Variants in TUT7 observed in about 807,000 individuals in gnomAD.
TUT7 encodes terminal uridylyltransferase 7.
In TUT7, 33 loss-of-function variants were observed where a neutral mutation model predicts 165.9. The ratio of observed to expected loss-of-function variants is 0.20; its 90% CI spans 0.15 to 0.27. TUT7 has a LOEUF of 0.27. Among genes scored for constraint, TUT7 ranks in the 10% least tolerant of loss-of-function variants. TUT7 has a pLI of 1.00. For synonymous variants in TUT7, 552 were observed against 608.1 expected (o/e 0.91, Z 1.36); for missense variants, 1,338 against 1,762.3 (o/e 0.76, Z 4.31).
intron 17 of TUT7, among the ~76,000 whole-genome samples, chr9:86,312,178 C>A (rs377326062): frequency 1.3e-5 from 2 of 150,608 alleles, no homozygotes; most frequent in Non-Finnish European, 3.0e-5. Context: ...AAGTGAGGAG[C>A]GCCTCTTCCC....
intron 12 of TUT7, among the ~76,000 whole-genome samples, chr9:86,324,991 A>C (rs760496831): frequency 1.3e-5 from 2 of 152,238 alleles, no homozygotes; most frequent in Non-Finnish European, 2.9e-5. Flanking sequence ...GGACTGAATT[A>C]AAAAATCCAG....
chr9:86,342,769 T>C (rs941708117), intron 6 of TUT7, among the ~76,000 whole-genome samples: 7 of 152,198 alleles, frequency 4.6e-5, no homozygotes, highest in Non-Finnish European at 8.8e-5. Flanking sequence ...GAATTCCCTT[T>C]CTGCCACTGG....
intron 15 of TUT7, 91 bp from the exon 16 acceptor site, chr9:86,319,149 G>C: frequency 2.5e-6 from 2 of 788,738 alleles, no homozygotes; most frequent in Non-Finnish European, 4.1e-6. Flanking sequence ...AAAACACCCA[G>C]TTGTTTAATT....
In TUT7 at chr9:86,323,158, A is replaced by C. The variant is rs1267267779; in HGVS notation, c.2592T>G (p.Ile864Met). 1 of 1,614,088 alleles carries C rather than the reference A, an allele frequency of 6.2e-7. No individual in the cohort carries two copies. The highest frequency in any genetic ancestry group is 8.5e-7 in the Non-Finnish European group (1 of 1,180,016). The change falls in exon 13 of 27, where the codon ATT becomes ATG. Residue 864 changes from isoleucine to methionine, a missense_variant. Physicochemically the swap from Ile to Met is conservative, Grantham distance 10. Around this residue, in one of 7 missense-constraint regions of TUT7, gnomAD observed 425 missense variants for 474.9 expected, o/e 0.89. Transcript: ENST00000375963. ...TGCCATCTTCATCTTCCCTTTGGTT[A>C]ATGGTGAGCCTAGGTTCTTCTTCCT... ...EEEEEEPRLT[I>M]NQREDEDGMA...
intron 6 of TUT7, 134 bp downstream of exon 6, chr9:86,342,941 C>A: frequency 3.4e-6 from 2 of 586,176 alleles, no homozygotes; most frequent in Non-Finnish European, 5.8e-6. Flanking sequence ...AGCTCTGAAA[C>A]TGAAGGCAAG....
rs534382398 is a variant in TUT7 at position 86,325,203 on chromosome 9, T to C, written c.1789+131A>G. Reference sequence around the variant, plus strand: ...GTTAACACATGCAAGATTCTAACTATTTATTTCCCTTTGAGGGCAGGCCTA... The same window carrying C: ...GTTAACACATGCAAGATTCTAACTACTTATTTCCCTTTGAGGGCAGGCCTA... On this transcript the variant is annotated intron_variant, in intron 12 of 26. Transcript: ENST00000375963. The C allele has an allele frequency of 7.4e-5, 59 of 797,370 alleles. 1 individual carries two copies. The East Asian group carries it at 1.3e-3, about 18-fold the overall frequency. 49.4% of individuals were successfully genotyped at this position (797,370 alleles called of 1,614,324 possible).
chr9:86,348,128 C>T (rs1461777497), intron 2 of TUT7, among the ~76,000 whole-genome samples: 1 of 152,126 alleles, frequency 6.6e-6, no homozygotes, highest in East Asian at 1.9e-4. Context: ...CTCTTCTGGT[C>T]ACAAAGGTTT....
intron 16 of TUT7, 64 bp from the exon 17 acceptor site, chr9:86,317,340 AG>A: frequency 1.6e-6 from 2 of 1,289,266 alleles, no homozygotes; most frequent in Non-Finnish European, 2.2e-6. Context: ...AACTGGCTAT[AG>A]TTTCCATTAC....
intron 3 of TUT7, 71 bp from the exon 4 acceptor site, chr9:86,345,856 C>A: frequency 9.0e-7 from 1 of 1,115,916 alleles, no homozygotes; most frequent in Non-Finnish European, 1.3e-6. Flanking sequence ...CAAAATCAGC[C>A]AGGAAATGAT....
At chr9:86,296,870 G>A (rs573144131) in intron 26 of TUT7, among the ~76,000 whole-genome samples, 1 of 152,194 alleles carries the variant, frequency 6.6e-6, no homozygotes, top group South Asian at 2.1e-4. Flanking sequence ...TAGATAATTT[G>A]GATACATATA....
At chr9:86,313,345 G>C (rs915452648) in intron 17 of TUT7, among the ~76,000 whole-genome samples, 2 of 152,018 alleles carry the variant, frequency 1.3e-5, no homozygotes, top group African/African-American at 4.8e-5. Flanking sequence ...GGTGGCATGG[G>C]AATACACAGA....
In TUT7 at chr9:86,338,791, A is replaced by C. The variant is rs1338446319; in HGVS notation, c.1335+32T>G. ...AAGCATACTGCTTATACATATGTAG[A>C]ATGTATTCATGCATAAAGACCTCAA... On this transcript the variant is annotated intron_variant, in intron 9 of 26. Transcript: ENST00000375963. 3 of 1,548,904 alleles carry C rather than the reference A, an allele frequency of 1.9e-6. No homozygotes were observed. In the African/African-American group the frequency reaches 4.1e-5, roughly 21 times the overall value.
In TUT7 at chr9:86,353,249, G is replaced by A; in HGVS notation, c.-31-19C>T. The stretch of plus-strand genomic sequence containing the variant: ...TTTGCACCTGAAAGAAGGTATTTTG[G>A]GGAAATATCAAACTATATAACAAGA... On this transcript the variant is annotated intron_variant, in intron 1 of 26. Coordinates refer to ENST00000375963, the MANE Select transcript of TUT7 (RefSeq NM_024617.4). The A allele has an allele frequency of 1.2e-5, 18 of 1,508,252 alleles. No individual in the cohort carries two copies. The highest frequency in any genetic ancestry group is 1.6e-5 in the Non-Finnish European group (18 of 1,132,620). 93.4% of individuals were successfully genotyped at this position (1,508,252 alleles called of 1,614,324 possible).
At chr9:86,331,075 AAT>A in intron 10 of TUT7, among the ~76,000 whole-genome samples, 1 of 152,102 alleles carries the variant, frequency 6.6e-6, no homozygotes, top group East Asian at 1.9e-4. Flanking sequence ...TTTAGTTCAA[AAT>A]ATGTTTTAAT....
intron 10 of TUT7, among the ~76,000 whole-genome samples, chr9:86,329,779 T>C (rs901847926): frequency 3.3e-5 from 5 of 152,088 alleles, no homozygotes; most frequent in Non-Finnish European, 7.4e-5. Context: ...ACTTCTCTGA[T>C]CCTTCTATCT....
chr9:86,322,015 G>A (rs928989492), intron 14 of TUT7, among the ~76,000 whole-genome samples: 1 of 152,000 alleles, frequency 6.6e-6, no homozygotes, highest in African/African-American at 2.4e-5. Context: ...GGTCGAGGCT[G>A]CAGTGACTCA....
chr9:86,301,736 G>A, intron 25 of TUT7, 135 bp from the exon 26 acceptor site: 2 of 1,460,638 alleles, frequency 1.4e-6, no homozygotes, highest in Admixed American at 5.5e-5. Flanking sequence ...GGAAAAGCAA[G>A]AACCTAAATG....
rs1258531921 is a variant in TUT7 at position 86,304,712 on chromosome 9, G to A, written c.3978+144C>T. The A allele has an allele frequency of 1.2e-5, 6 of 514,222 alleles. No individual in the cohort carries two copies. In the East Asian group the frequency reaches 2.0e-4, roughly 17 times the overall value. The allele number at this position is 514,222 out of a possible 1,614,324, so 31.9% of individuals were successfully genotyped here. A position where few individuals can be genotyped will look rare whatever the true frequency, so the allele number is the denominator to read the frequency against. On this transcript the variant is annotated intron_variant, in intron 24 of 26. Transcript: ENST00000375963. ...CCGGGGATGTTTAAGAAAAAGGGGG[G>A]CTCTGGGAATCATTCTGTACAATAG...
At chr9:86,331,371 C>T (rs1030036350) in intron 10 of TUT7, among the ~76,000 whole-genome samples, 6 of 152,220 alleles carry the variant, frequency 3.9e-5, no homozygotes, top group Non-Finnish European at 8.8e-5. Flanking sequence ...TAGGTCAAGG[C>T]GGTTGATATG....
Sources: allele counts gnomAD v4.1 joint callset (sites outside exome capture counted in the v4.1 genomes callset), GRCh38; gene constraint gnomAD v4.1.1; regional missense constraint gnomAD v4.1.1; transcripts MANE v1.5; gene names NCBI Gene and HGNC (gene_info 2026-07-23, HGNC 2026-07-21).